KCNIP4: variants seen among roughly 807,000 people sequenced by gnomAD.
KCNIP4 encodes the protein potassium voltage-gated channel interacting protein 4.
In KCNIP4, 12 loss-of-function variants were observed where a neutral mutation model predicts 34.0. The observed-to-expected ratio is 0.35, with a 90% CI of 0.23 to 0.57. KCNIP4 has a LOEUF of 0.57. KCNIP4 is among the 20% of genes least tolerant of loss of function. The probability of loss-of-function intolerance (pLI) is 0.83; values close to 1 mark genes in which losing one functional copy is unlikely to be tolerated. For synonymous variants in KCNIP4, 124 were observed against 102.2 expected, an observed-to-expected ratio of 1.21 and a Z score of -1.29; for missense variants, 238 against 311.7, an observed-to-expected ratio of 0.76 and a Z score of 1.78.
Position 21,565,228 on chromosome 4 carries a change from C to T in KCNIP4, c.61+383343G>A, listed in dbSNP as rs568003601. Among the ~76,000 whole-genome samples the T allele has an allele frequency of 5.9e-5, 9 of 152,274 alleles. No homozygotes were observed. In the South Asian group the frequency reaches 1.7e-3, roughly 28 times the overall value. On this transcript the variant is annotated intron_variant, in intron 1 of 8. Coordinates refer to ENST00000382152, the MANE Select transcript of KCNIP4 (RefSeq NM_025221.6). ...CAAGGGGCTGGCTAATGCCATTCTG[C>T]GTCAGGGCCCTCTTCCTGGCTTGCA...
intron 1 of KCNIP4, among the ~76,000 whole-genome samples, chr4:20,974,504 T>A (rs1209854516): frequency 6.6e-6 from 1 of 152,138 alleles, no homozygotes; most frequent in Non-Finnish European, 1.5e-5. Context: ...AGTTTGAAAC[T>A]GAGATCAACA....
chr4:21,883,408 C>T (rs1171802653), intron 1 of KCNIP4, among the ~76,000 whole-genome samples: 1 of 152,022 alleles, frequency 6.6e-6, no homozygotes, highest in Non-Finnish European at 1.5e-5. Context: ...CTTGGCCTCC[C>T]AAAGTGTTGT....
At chr4:21,729,655 C>T (rs1715448433) in intron 1 of KCNIP4, among the ~76,000 whole-genome samples, 3 of 152,110 alleles carry the variant, frequency 2.0e-5, no homozygotes, top group Admixed American at 2.0e-4. Context: ...TATGCCTCTG[C>T]TTCATTCCCA....
intron 1 of KCNIP4, among the ~76,000 whole-genome samples, chr4:21,487,250 C>A (rs1731997795): frequency 6.6e-6 from 1 of 152,028 alleles, no homozygotes; most frequent in South Asian, 2.1e-4. Flanking sequence ...TTTTTTGAGA[C>A]CTCATTCGTT....
chr4:21,034,212 C>T (rs182700101), intron 1 of KCNIP4, among the ~76,000 whole-genome samples: 64 of 152,126 alleles, frequency 4.2e-4, no homozygotes, highest in African/African-American at 1.5e-3. Context: ...GAGTTCCTTC[C>T]CCCTAAACCC....
At chr4:20,860,918 G>A (rs191510580) in intron 2 of KCNIP4, among the ~76,000 whole-genome samples, 73 of 152,258 alleles carry the variant, frequency 4.8e-4, no homozygotes, top group African/African-American at 1.6e-3. Flanking sequence ...TTTCCAAAGC[G>A]AATTTTCATG....
At chr4:21,105,504 A>G (rs143789588) in intron 1 of KCNIP4, among the ~76,000 whole-genome samples, 2,911 of 151,672 alleles carry the variant, frequency 0.019, 180 homozygotes, top group African/African-American at 0.065. Flanking sequence ...GGCTGAGACA[A>G]TGGGGTTTTC....
chr4:20,883,053 G>C (rs1306232913), intron 1 of KCNIP4, among the ~76,000 whole-genome samples: 1 of 133,646 alleles, frequency 7.5e-6, no homozygotes, highest in Non-Finnish European at 1.5e-5. Flanking sequence ...GATAAAACAA[G>C]TATCACTAGA....
intron 1 of KCNIP4, among the ~76,000 whole-genome samples, chr4:21,025,476 GA>G (rs1324541843): frequency 7.7e-4 from 12 of 15,626 alleles, no homozygotes; most frequent in Admixed American, 3.6e-3. Flanking sequence ...AAACAACTGA[GA>G]GAGAGAGAGA....
At chr4:21,861,934 T>C (rs1725101459) in intron 1 of KCNIP4, among the ~76,000 whole-genome samples, 1 of 152,076 alleles carries the variant, frequency 6.6e-6, no homozygotes, top group South Asian at 2.1e-4. Context: ...CTATGCTATG[T>C]CTTCTCTCTT....
intron 1 of KCNIP4, among the ~76,000 whole-genome samples, chr4:21,698,935 T>C (rs1712608094): frequency 6.6e-6 from 1 of 152,162 alleles, no homozygotes; most frequent in Non-Finnish European, 1.5e-5. Context: ...GTTCTAACCA[T>C]TCTAACCATT....
intron 1 of KCNIP4, among the ~76,000 whole-genome samples, chr4:21,618,636 T>TTTTC (rs1195754083): frequency 1.2e-4 from 12 of 98,284 alleles, no homozygotes; most frequent in Admixed American, 7.4e-4. Context: ...TTTTCTTTTT[T>TTTTC]TTTTTTTTTT....
intron 1 of KCNIP4, chr4:21,849,278 A>G (rs1046814681): frequency 6.6e-6 from 1 of 152,134 alleles, no homozygotes; most frequent in African/African-American, 2.4e-5. Flanking sequence ...GGCAATATCA[A>G]TTATGCACAT....
At chr4:20,944,291 T>C (rs1296275149) in intron 1 of KCNIP4, among the ~76,000 whole-genome samples, 1 of 152,118 alleles carries the variant, frequency 6.6e-6, no homozygotes. Context: ...GAGGGTGATT[T>C]CCATCCATGA....
intron 1 of KCNIP4, among the ~76,000 whole-genome samples, chr4:21,303,312 C>A (rs117534334): frequency 2.6e-5 from 4 of 152,278 alleles, no homozygotes; most frequent in East Asian, 3.9e-4. Context: ...ATAAACACTT[C>A]TCCAGAAGAC....
At chr4:21,926,395 G>A (rs559603071) in intron 1 of KCNIP4, among the ~76,000 whole-genome samples, 126 of 152,158 alleles carry the variant, frequency 8.3e-4, no homozygotes, top group Non-Finnish European at 1.5e-3. Context: ...TCAGTTTTCA[G>A]AGCAGAAAAA....
chr4:21,432,285 A>G (rs1022543387), intron 1 of KCNIP4, among the ~76,000 whole-genome samples: 4 of 150,458 alleles, frequency 2.7e-5, no homozygotes, highest in East Asian at 2.0e-4. Flanking sequence ...AAGTTGCTCA[A>G]TGAATAATCA....
rs115387190 is a variant in KCNIP4 at position 20,953,464 on chromosome 4, T to A, written c.62-70755A>T. On this transcript the variant is annotated intron_variant, in intron 1 of 8. Coordinates refer to ENST00000382152, the MANE Select transcript of KCNIP4 (RefSeq NM_025221.6). ...CTCCAAAGTGAGGTGGGCAGATCAC[T>A]TGAGCTCAGGAGTTTGAGACTAGCC... Among the ~76,000 whole-genome samples the A allele has an allele frequency of 6.6e-3, 1,008 of 152,220 alleles. 17 individuals carry two copies. The highest frequency in any genetic ancestry group is 0.023 in the African/African-American group (959 of 41,536).
chr4:21,639,441 T>C (rs1329313418), intron 1 of KCNIP4, among the ~76,000 whole-genome samples: 2 of 152,222 alleles, frequency 1.3e-5, no homozygotes, highest in East Asian at 3.9e-4. Context: ...TGTCATTAAA[T>C]AATTTTAAAG....
Sources: gnomAD v4.1 joint callset for allele counts (sites outside exome capture counted in the v4.1 genomes callset) on GRCh38, gnomAD v4.1.1 for gene constraint, MANE v1.5 for transcripts, NCBI Gene and HGNC (gene_info 2026-07-23, HGNC 2026-07-21) for gene names.